CKAP2: variants seen among roughly 807,000 people sequenced by gnomAD.
CKAP2 encodes cytoskeleton associated protein 2, also known as cytoskeleton-associated protein 2.
Under a neutral mutation model 58.4 loss-of-function variants are expected in CKAP2, and 46 were observed. That is an observed-to-expected ratio of 0.79 (90% CI 0.62 to 1.01). The LOEUF (loss-of-function observed/expected upper bound fraction) is 1.01. CKAP2 is among the 50% of genes least tolerant of loss of function. The pLI is 0.00. For missense variants in CKAP2, 809 were observed against 796.4 expected (o/e 1.02, Z -0.19); for synonymous variants, 293 against 280.9 (o/e 1.04, Z -0.43).
rs1303342726 is a variant in CKAP2, at chr13:52,461,884, ATAG to A, written c.1062_1064del (p.Ser354del). The stretch of plus-strand genomic sequence containing the variant: ...CATACTGCAGGAAAAGCAATTGTTG[ATAG>A]TAGATCAGCTCAGCCCAAAGAAACC... On this transcript the variant is annotated inframe_deletion, in exon 4 of 9. Coordinates refer to ENST00000258607, the MANE Select transcript of CKAP2 (RefSeq NM_018204.5). The A allele has an allele frequency of 4.0e-5, 65 of 1,613,436 alleles. No homozygotes were observed. The highest frequency in any genetic ancestry group is 5.2e-5 in the Non-Finnish European group (61 of 1,179,920).
intron 6 of CKAP2, 68 bp downstream of exon 6, chr13:52,465,533 C>A: frequency 7.3e-7 from 1 of 1,374,326 alleles, no homozygotes; most frequent in Non-Finnish European, 1.0e-6. Context: ...ATTTGAAACA[C>A]ATCACAACAT....
rs144963843 is a variant in CKAP2, at chr13:52,474,606, T to A, written c.1803-289T>A. On this transcript the variant is annotated intron_variant, in intron 8 of 8. Transcript: ENST00000258607. ...TTGCCATTTTGAAAAAGAAAACTTT[T>A]ATTTGAATTTACTTTAATCTGTGTG... is the stretch of plus-strand genomic sequence containing the variant. 4.9e-3 allele frequency among the ~76,000 whole-genome samples: 752 copies of A among 152,372 alleles called. 6 individuals carry two copies. The highest frequency in any genetic ancestry group is 0.017 in the African/African-American group (715 of 41,590).
At position 52,462,346 on chromosome 13, in the gene CKAP2, T is replaced by A. The variant is rs1254721480; in HGVS notation, c.1101-17T>A. On this transcript the variant is annotated splice_polypyrimidine_tract_variant and intron_variant, in intron 4 of 8. Coordinates refer to ENST00000258607, the MANE Select transcript of CKAP2 (RefSeq NM_018204.5). ...CAGCAATTTCAAAGTAACGTTTATA[T>A]CTGCTTCTAACTATAGAGCTCGTCT... 1.3e-6 allele frequency: 2 copies of A among 1,599,906 alleles called. No individual in the cohort carries two copies. The highest frequency in any genetic ancestry group is 1.7e-6 in the Non-Finnish European group (2 of 1,176,182).
chr13:52,457,284 C>T (rs1300031658), intron 2 of CKAP2, among the ~76,000 whole-genome samples: 1 of 152,136 alleles, frequency 6.6e-6, no homozygotes, highest in African/African-American at 2.4e-5. Context: ...AGATTATCAA[C>T]TTACTGTTTA....
intron 4 of CKAP2, 59 bp downstream of exon 4, chr13:52,461,985 T>G: frequency 7.0e-7 from 1 of 1,421,220 alleles, no homozygotes; most frequent in Non-Finnish European, 9.4e-7. Flanking sequence ...GTTTGTAGAT[T>G]TGGATTATAA....
At position 52,474,224 on chromosome 13, in the gene CKAP2, G is replaced by T. The variant is rs1958798085; in HGVS notation, c.1802+140G>T. ...TTTCAGTACGGGCATGGTGGCTCAC[G>T]CCTGTAATTTCAGCACTTTGGGAGG... On this transcript the variant is annotated intron_variant, in intron 8 of 8. Coordinates refer to ENST00000258607, the MANE Select transcript of CKAP2 (RefSeq NM_018204.5). 18 of 841,878 alleles carry T rather than the reference G, an allele frequency of 2.1e-5. 1 individual carries two copies. The South Asian group carries it at 3.2e-4, about 15-fold the overall frequency. The allele number at this position is 841,878 out of a possible 1,614,324, so 52.2% of individuals were successfully genotyped here. A position where few individuals can be genotyped will look rare whatever the true frequency, so the allele number is the denominator to read the frequency against.
intron 7 of CKAP2, among the ~76,000 whole-genome samples, chr13:52,472,434 CAA>C (rs1244396380): frequency 6.6e-6 from 1 of 152,170 alleles, no homozygotes; most frequent in Non-Finnish European, 1.5e-5. Flanking sequence ...CACTATCATG[CAA>C]CTAAAACTTC....
intron 6 of CKAP2, among the ~76,000 whole-genome samples, chr13:52,467,222 GGA>G (rs143547766): frequency 0.015 from 2,318 of 152,180 alleles, 59 homozygotes; most frequent in African/African-American, 0.052. Context: ...TGTGTTGGGT[GGA>G]ACATAGCAAA....
rs75687906 is a variant in CKAP2 at position 52,456,452 on chromosome 13, C to T, written c.71-71C>T. ...TTTGGAAGTAAACTCTTCATTTAGT[C>T]AACAAGATTTATTTGCCGTTATCGA... is the stretch of plus-strand genomic sequence containing the variant. On this transcript the variant is annotated intron_variant, in intron 1 of 8. Coordinates refer to ENST00000258607, the MANE Select transcript of CKAP2 (RefSeq NM_018204.5). 1.0e-4 allele frequency: 125 copies of T among 1,210,574 alleles called. No homozygotes were observed. The African/African-American group carries it at 1.7e-3, about 16-fold the overall frequency. The allele number at this position is 1,210,574 out of a possible 1,614,324, so 75.0% of individuals were successfully genotyped here.
At chr13:52,463,265 C>T (rs1339432219) in intron 5 of CKAP2, among the ~76,000 whole-genome samples, 1 of 152,110 alleles carries the variant, frequency 6.6e-6, no homozygotes, top group Admixed American at 6.6e-5. Flanking sequence ...ACAGCTTATA[C>T]ACGTAGCCTA....
intron 5 of CKAP2, among the ~76,000 whole-genome samples, chr13:52,465,088 C>T (rs879710887): frequency 4.6e-5 from 7 of 152,142 alleles, no homozygotes; most frequent in Non-Finnish European, 1.0e-4. Flanking sequence ...AAGGTATTAA[C>T]AAATGGAATC....
intron 4 of CKAP2, 27 bp downstream of exon 4, chr13:52,461,953 C>A: frequency 6.5e-7 from 1 of 1,527,746 alleles, no homozygotes; most frequent in South Asian, 1.3e-5. Flanking sequence ...TTCTTTATTA[C>A]ATTAGTTTTC....
intron 5 of CKAP2, among the ~76,000 whole-genome samples, chr13:52,464,513 G>A (rs928579648): frequency 1.1e-4 from 15 of 139,074 alleles, no homozygotes; most frequent in Admixed American, 6.4e-4. Flanking sequence ...AGATTGTGCC[G>A]TTGCACTCCA....
chr13:52,464,726 T>C (rs1465629437), intron 5 of CKAP2, among the ~76,000 whole-genome samples: 4 of 152,204 alleles, frequency 2.6e-5, no homozygotes, highest in African/African-American at 9.7e-5. Context: ...GACTGCTCTT[T>C]AATCTTGTTT....
intron 8 of CKAP2, 49 bp downstream of exon 8, chr13:52,474,133 A>T (rs370927888): frequency 2.8e-5 from 43 of 1,529,884 alleles, no homozygotes; most frequent in Non-Finnish European, 3.7e-5. Context: ...TGGAGATAAT[A>T]AATAACGGCA....
intron 7 of CKAP2, 38 bp downstream of exon 7, chr13:52,468,385 T>C (rs761636009): frequency 2.4e-6 from 3 of 1,275,404 alleles, no homozygotes; most frequent in Non-Finnish European, 3.3e-6. Flanking sequence ...ATGTGAACTG[T>C]AGTTTTTTTT....
At chr13:52,455,882 C>A in intron 1 of CKAP2, 3 of 1,005,666 alleles carry the variant, frequency 3.0e-6, no homozygotes, top group Non-Finnish European at 3.8e-6. Flanking sequence ...ATCCGTTAGG[C>A]GAGGGGAAAC....
rs199938465 is a variant in CKAP2, at chr13:52,475,170, G to A, written c.*29G>A. 24 of 1,600,004 alleles carry A rather than the reference G, an allele frequency of 1.5e-5. 1 individual carries two copies. The East Asian group carries it at 4.9e-4, about 33-fold the overall frequency. ...AAATAAAGCTCTGTTAGGGAATGGG[G>A]TTTTTATTATTTGTGGGGTGTTTTG... On this transcript the variant is annotated 3_prime_UTR_variant, in exon 9 of 9. Transcript: ENST00000258607.
intron 5 of CKAP2, among the ~76,000 whole-genome samples, chr13:52,463,216 G>C (rs538609742): frequency 6.6e-6 from 1 of 152,202 alleles, no homozygotes; most frequent in Non-Finnish European, 1.5e-5. Flanking sequence ...GGGATTACAG[G>C]TGTGAGCCAC....
Sources: allele counts gnomAD v4.1 joint callset (sites outside exome capture counted in the v4.1 genomes callset), GRCh38; gene constraint gnomAD v4.1.1; transcripts MANE v1.5; gene names NCBI Gene and HGNC (gene_info 2026-07-23, HGNC 2026-07-21).